Variants in IQCM observed in about 807,000 individuals in gnomAD.
IQCM encodes IQ motif containing M.
Under a neutral mutation model 57.6 loss-of-function variants are expected in IQCM, and 45 were observed. The observed-to-expected ratio is 0.78, with a 90% CI of 0.62 to 1.00. The LOEUF (loss-of-function observed/expected upper bound fraction) is 1.00, where lower values mean the gene tolerates loss of function less well. Among genes scored for constraint, IQCM ranks in the 50% least tolerant of loss-of-function variants. The pLI is 0.00. For synonymous variants in IQCM, 148 were observed against 158.9 expected, an observed-to-expected ratio of 0.93 and a Z score of 0.51; for missense variants, 468 against 511.6, an observed-to-expected ratio of 0.91 and a Z score of 0.82.
chr4:149,630,886 C>T (rs1485266552), intron 7 of IQCM, among the ~76,000 whole-genome samples: 2 of 152,134 alleles, frequency 1.3e-5, no homozygotes, highest in Non-Finnish European at 2.9e-5. Context: ...GACTGCTACT[C>T]TTAGCAACAT....
At chr4:149,675,086 T>A (rs1320168934) in intron 7 of IQCM, among the ~76,000 whole-genome samples, 1 of 151,952 alleles carries the variant, frequency 6.6e-6, no homozygotes, top group Non-Finnish European at 1.5e-5. Flanking sequence ...GAGGGCAAAA[T>A]CATGGGAGGA....
chr4:149,728,516 C>T (rs924775986), intron 5 of IQCM, among the ~76,000 whole-genome samples: 2 of 152,174 alleles, frequency 1.3e-5, no homozygotes, highest in Non-Finnish European at 2.9e-5. Context: ...ATTAAAAGTA[C>T]TATTACCACT....
chr4:149,807,365 A>C (rs2150060963), intron 2 of IQCM, among the ~76,000 whole-genome samples: 1 of 152,192 alleles, frequency 6.6e-6, no homozygotes, highest in Non-Finnish European at 1.5e-5. Flanking sequence ...GTGCTGGGAA[A>C]ACTAGATATC....
At chr4:149,454,861 A>G (rs1737516006) in intron 12 of IQCM, among the ~76,000 whole-genome samples, 1 of 152,002 alleles carries the variant, frequency 6.6e-6, no homozygotes, top group South Asian at 2.1e-4. Context: ...GGTAAATAGT[A>G]GCAGGGTAGG....
intron 13 of IQCM, among the ~76,000 whole-genome samples, chr4:149,405,253 A>C (rs1578947947): frequency 6.6e-6 from 1 of 152,258 alleles, no homozygotes; most frequent in East Asian, 1.9e-4. Flanking sequence ...CACTGAATTA[A>C]GTCAAACAGG....
chr4:149,639,585 A>G (rs1758013415), intron 7 of IQCM, among the ~76,000 whole-genome samples: 1 of 152,092 alleles, frequency 6.6e-6, no homozygotes, highest in South Asian at 2.1e-4. Context: ...TGAAAGGTTA[A>G]AAGCTCCTAC....
At chr4:149,784,482 C>G (rs1238902755) in intron 2 of IQCM, among the ~76,000 whole-genome samples, 1 of 152,214 alleles carries the variant, frequency 6.6e-6, no homozygotes, top group African/African-American at 2.4e-5. Context: ...GTGGCGCCAT[C>G]TAGGCTCACT....
chr4:149,783,605 G>A lies in IQCM; in HGVS notation c.-49+31706C>T, dbSNP rs190291716. 2.9e-3 allele frequency among the ~76,000 whole-genome samples: 441 copies of A among 152,330 alleles called. 3 individuals carry two copies. Among genetic ancestry groups the A allele is most frequent in the Non-Finnish European group, 5.3e-3 (359 of 68,016 alleles). ...GTGATCCTTGCCCTTTGATATTCAT[G>A]TCATTATGTAATCTCCTCCCTTTGA... is the stretch of plus-strand genomic sequence containing the variant. On this transcript the variant is annotated intron_variant, in intron 2 of 13. Transcript: ENST00000636793.
intron 2 of IQCM, among the ~76,000 whole-genome samples, chr4:149,761,447 A>G (rs1217725365): frequency 6.6e-6 from 1 of 151,856 alleles, no homozygotes; most frequent in Non-Finnish European, 1.5e-5. Context: ...GCTTTCTCCA[A>G]TATTGATTTT....
chr4:149,413,330 A>G (rs770828234), intron 13 of IQCM, among the ~76,000 whole-genome samples: 6 of 152,176 alleles, frequency 3.9e-5, no homozygotes, highest in Non-Finnish European at 7.3e-5. Flanking sequence ...TGAAAAAGGA[A>G]TCTAGTGGGA....
At chr4:149,576,022 T>C (rs184572887) in intron 9 of IQCM, among the ~76,000 whole-genome samples, 22 of 151,984 alleles carry the variant, frequency 1.4e-4, no homozygotes, top group African/African-American at 5.1e-4. Context: ...CCTTCTGGCA[T>C]AGATAAACAT....
chr4:149,790,577 T>G (rs527379442), intron 2 of IQCM, among the ~76,000 whole-genome samples: 65 of 152,344 alleles, frequency 4.3e-4, no homozygotes, highest in African/African-American at 1.5e-3. Flanking sequence ...ATTAATGTTT[T>G]AAAACGATTA....
chr4:149,721,144 A>T (rs1250532522), intron 5 of IQCM, among the ~76,000 whole-genome samples: 3 of 152,196 alleles, frequency 2.0e-5, no homozygotes, highest in African/African-American at 7.2e-5. Context: ...ATAAAAAATA[A>T]TACAATTTAA....
chr4:149,682,458 T>C (rs970101584), intron 6 of IQCM, among the ~76,000 whole-genome samples: 1 of 151,060 alleles, frequency 6.6e-6, no homozygotes, highest in Non-Finnish European at 1.5e-5. Context: ...GAGCCCAAAC[T>C]AGCAAAAATC....
intron 2 of IQCM, among the ~76,000 whole-genome samples, chr4:149,755,542 G>A (rs1180065419): frequency 6.6e-6 from 1 of 152,050 alleles, no homozygotes; most frequent in Non-Finnish European, 1.5e-5. Flanking sequence ...CTTCTCCCAG[G>A]TGTATACTTA....
chr4:149,431,217 A>G (rs1734829235), intron 13 of IQCM, among the ~76,000 whole-genome samples: 1 of 152,032 alleles, frequency 6.6e-6, no homozygotes, highest in Non-Finnish European at 1.5e-5. Context: ...AAAGAAGAAG[A>G]AAAGAAAATA....
Position 149,630,212 on chromosome 4 carries a change from C to T in IQCM, c.566-8968G>A, listed in dbSNP as rs188188081. Among the ~76,000 whole-genome samples, 199 of 152,292 alleles carry T rather than the reference C, an allele frequency of 1.3e-3. 1 individual carries two copies. The highest frequency in any genetic ancestry group is 4.6e-3 in the African/African-American group (191 of 41,552). On this transcript the variant is annotated intron_variant, in intron 7 of 13. Coordinates refer to ENST00000636793, the MANE Select transcript of IQCM (RefSeq NM_001363507.2). ...AGGGGCTACTATCTGGCTTGGATGG[C>T]AGCATACTTGTCATCTTTGTCAGGA... is the stretch of plus-strand genomic sequence containing the variant.
chr4:149,514,622 T>C (rs1744753119), intron 12 of IQCM: 1 of 152,294 alleles, frequency 6.6e-6, no homozygotes, highest in South Asian at 2.1e-4. Context: ...TGGGCAGCTA[T>C]ACGCTGCAGG....
chr4:149,741,650 G>T lies in IQCM; in HGVS notation c.37+1005C>A, dbSNP rs1170146199. Reference sequence around the variant, plus strand: ...CTGTCAGGGGTAACAGGAGCCAAGAGGAAGTAGCAGAACAGTAATAACCTC... The same window carrying T: ...CTGTCAGGGGTAACAGGAGCCAAGATGAAGTAGCAGAACAGTAATAACCTC... On this transcript the variant is annotated intron_variant, in intron 3 of 13. Coordinates refer to ENST00000636793, the MANE Select transcript of IQCM (RefSeq NM_001363507.2). Among the ~76,000 whole-genome samples the T allele has an allele frequency of 2.0e-5, 3 of 152,160 alleles. No homozygotes were observed. The South Asian group carries it at 6.2e-4, about 31-fold the overall frequency.
Sources: gnomAD v4.1 joint callset for allele counts (sites outside exome capture counted in the v4.1 genomes callset) on GRCh38, gnomAD v4.1.1 for gene constraint, MANE v1.5 for transcripts, NCBI Gene and HGNC (gene_info 2026-07-23, HGNC 2026-07-21) for gene names.